Variants in EXOC4 observed in about 807,000 individuals in gnomAD.
EXOC4 encodes the protein SEC8-like 1.
A neutral mutation model predicts 107.2 loss-of-function variants in EXOC4; 71 were observed. The observed-to-expected ratio is 0.66, with a 90% CI of 0.55 to 0.81. The LOEUF is 0.81. Ranked by LOEUF, EXOC4 falls within the 30% of genes least tolerant of loss-of-function variation. The pLI is 0.00. For missense variants in EXOC4, 1,108 were observed against 1,189.6 expected (o/e 0.93, Z 1.01); for synonymous variants, 456 against 441.2 (o/e 1.03, Z -0.42).
intron 11 of EXOC4, among the ~76,000 whole-genome samples, chr7:133,890,621 C>T (rs1799185766): frequency 1.2e-5 from 1 of 82,374 alleles, no homozygotes; most frequent in Non-Finnish European, 2.2e-5. Context: ...GGAAGGGATC[C>T]AGTTTCAGCT....
intron 7 of EXOC4, among the ~76,000 whole-genome samples, chr7:133,439,251 C>G (rs190107709): frequency 7.7e-6 from 1 of 129,262 alleles, no homozygotes; most frequent in South Asian, 2.6e-4. Context: ...GTGGGGCGAT[C>G]TCGGCTTACT....
At position 133,321,799 on chromosome 7, in the gene EXOC4, A is replaced by G. The variant is rs1795118174; in HGVS notation, c.763+4409A>G. Reference sequence around the variant, plus strand: ...TTCCAGATCCTTGAGGAATTGCCACACTGTCTTCCACAATGGTTTAACTAA... The same window carrying G: ...TTCCAGATCCTTGAGGAATTGCCACGCTGTCTTCCACAATGGTTTAACTAA... On this transcript the variant is annotated intron_variant, in intron 5 of 17. Coordinates refer to ENST00000253861, the MANE Select transcript of EXOC4 (RefSeq NM_021807.4). 2.6e-5 allele frequency among the ~76,000 whole-genome samples: 4 copies of G among 152,330 alleles called. No individual in the cohort carries two copies. In the South Asian group the frequency reaches 8.3e-4, roughly 32 times the overall value.
At chr7:133,881,113 A>C (rs189578265) in intron 11 of EXOC4, among the ~76,000 whole-genome samples, 18 of 152,234 alleles carry the variant, frequency 1.2e-4, no homozygotes, top group Admixed American at 8.5e-4. Context: ...CATCAGGTTG[A>C]ATTAATTATT....
chr7:133,511,663 A>G (rs1799771291), intron 9 of EXOC4, among the ~76,000 whole-genome samples: 1 of 152,172 alleles, frequency 6.6e-6, no homozygotes, highest in Non-Finnish European at 1.5e-5. Context: ...AAGTATAATC[A>G]TTGTAGAGCA....
chr7:133,854,425 C>G (rs1173110643), intron 11 of EXOC4, among the ~76,000 whole-genome samples: 1 of 151,334 alleles, frequency 6.6e-6, no homozygotes, highest in Non-Finnish European at 1.5e-5. Context: ...CACACACACA[C>G]ACACACACAC....
chr7:133,387,735 A>G (rs1277289954), intron 7 of EXOC4, among the ~76,000 whole-genome samples: 1 of 152,140 alleles, frequency 6.6e-6, no homozygotes. Flanking sequence ...AATTATTTTA[A>G]TCTTGCTGGG....
intron 10 of EXOC4, among the ~76,000 whole-genome samples, chr7:133,679,433 C>A (rs1794136192): frequency 6.6e-6 from 1 of 152,110 alleles, no homozygotes; most frequent in African/African-American, 2.4e-5. Flanking sequence ...TTCTGGAGGC[C>A]TCTGAGAGTT....
chr7:133,747,632 T>G (rs1795705472), intron 10 of EXOC4, among the ~76,000 whole-genome samples: 2 of 152,122 alleles, frequency 1.3e-5, no homozygotes, highest in African/African-American at 4.8e-5. Flanking sequence ...TACATTGAAG[T>G]GTATGTTGGT....
chr7:133,433,546 A>G (rs946973397), intron 7 of EXOC4, among the ~76,000 whole-genome samples: 17 of 152,150 alleles, frequency 1.1e-4, no homozygotes, highest in African/African-American at 4.1e-4. Context: ...GTCCCAGATA[A>G]TGAGCATATA....
rs148285158 is a variant in EXOC4 at position 133,811,423 on chromosome 7, A to G, written c.1515-5902A>G. Among the ~76,000 whole-genome samples, 6 of 152,292 alleles carry G rather than the reference A, an allele frequency of 3.9e-5. No individual in the cohort carries two copies. In the East Asian group the frequency reaches 9.6e-4, roughly 24 times the overall value. The stretch of plus-strand genomic sequence containing the variant: ...GACTCTCACTCCTGTCTCCCATTCA[A>G]CAGATCATTTTTAAATGCTTACTAG... On this transcript the variant is annotated intron_variant, in intron 10 of 17. Coordinates refer to ENST00000253861, the MANE Select transcript of EXOC4 (RefSeq NM_021807.4).
chr7:133,374,738 T>G (rs1796449593), intron 6 of EXOC4, 90 bp from the exon 7 acceptor site: 5 of 1,029,046 alleles, frequency 4.9e-6, no homozygotes, highest in Non-Finnish European at 7.2e-6. Flanking sequence ...AGAATGCTAC[T>G]TTAGTTTGAT....
intron 7 of EXOC4, among the ~76,000 whole-genome samples, chr7:133,472,980 T>A (rs1018396806): frequency 1.3e-5 from 2 of 152,218 alleles, no homozygotes; most frequent in African/African-American, 4.8e-5. Flanking sequence ...AAAGAGTTAC[T>A]TGGATTAGTG....
At chr7:133,320,420 A>G (rs993385210) in intron 5 of EXOC4, among the ~76,000 whole-genome samples, 1 of 152,100 alleles carries the variant, frequency 6.6e-6, no homozygotes, top group African/African-American at 2.4e-5. Context: ...AAAACCAGCA[A>G]TGGTGGGTCA....
At chr7:133,969,158 C>T (rs190366101) in intron 14 of EXOC4, among the ~76,000 whole-genome samples, 2 of 152,268 alleles carry the variant, frequency 1.3e-5, no homozygotes, top group East Asian at 1.9e-4. Context: ...GTATTATTCA[C>T]GAAGCTGTCA....
intron 12 of EXOC4, among the ~76,000 whole-genome samples, chr7:133,901,693 A>G (rs1799455319): frequency 6.6e-6 from 1 of 152,192 alleles, no homozygotes; most frequent in African/African-American, 2.4e-5. Context: ...AATAATGGTA[A>G]TGACAGTGAT....
At chr7:133,432,071 G>A (rs1162014765) in intron 7 of EXOC4, among the ~76,000 whole-genome samples, 1 of 152,062 alleles carries the variant, frequency 6.6e-6, no homozygotes, top group African/African-American at 2.4e-5. Flanking sequence ...ATACCCTAGG[G>A]AGGATCATAA....
chr7:134,076,604 A>G, the EXOC4 span, among the ~76,000 whole-genome samples: 5 of 149,882 alleles, frequency 3.3e-5, no homozygotes, highest in Non-Finnish European at 7.4e-5. Context: ...AACCAATAGC[A>G]TATATATATA....
At chr7:134,078,735 T>C in the EXOC4 span, among the ~76,000 whole-genome samples, 1 of 152,262 alleles carries the variant, frequency 6.6e-6, no homozygotes, top group Non-Finnish European at 1.5e-5. Flanking sequence ...TTAATTCAGC[T>C]AGCTTTAAGA....
chr7:133,254,601 G>C (rs538251487), intron 1 of EXOC4, among the ~76,000 whole-genome samples: 2 of 152,224 alleles, frequency 1.3e-5, no homozygotes, highest in South Asian at 2.1e-4. Flanking sequence ...ACAGTATGGC[G>C]TCTGGCACGT....
Sources: gnomAD v4.1 joint callset for allele counts (sites outside exome capture counted in the v4.1 genomes callset) on GRCh38, gnomAD v4.1.1 for gene constraint, MANE v1.5 for transcripts, NCBI Gene and HGNC (gene_info 2026-07-23, HGNC 2026-07-21) for gene names.